The following SPIDR variants were observed in gnomAD, a reference collection of about 807,000 sequenced individuals.
SPIDR encodes the protein scaffold protein involved in DNA repair, also known as DNA repair-scaffolding protein.
SPIDR carries 93 observed loss-of-function variants against 104.6 expected under a neutral mutation model. The observed-to-expected ratio is 0.89, with a 90% CI of 0.75 to 1.06. The LOEUF (loss-of-function observed/expected upper bound fraction) is 1.06. SPIDR is among the 50% of genes least tolerant of loss of function. The pLI, the probability that SPIDR is intolerant of heterozygous loss-of-function variation, is 0.00. For missense variants in SPIDR, 1,154 were observed against 1,111.2 expected (o/e 1.04, Z -0.55); for synonymous variants, 431 against 416.9 (o/e 1.03, Z -0.41).
intron 9 of SPIDR, among the ~76,000 whole-genome samples, chr8:47,597,827 C>T (rs995257373): frequency 3.3e-5 from 5 of 152,170 alleles, no homozygotes; most frequent in Admixed American, 6.5e-5. Flanking sequence ...CATGAATGGC[C>T]CCTGGGACCA....
At chr8:47,261,145 G>C (rs779134383) in intron 1 of SPIDR, among the ~76,000 whole-genome samples, 154 bp downstream of exon 1, 1 of 152,126 alleles carries the variant, frequency 6.6e-6, no homozygotes, top group African/African-American at 2.4e-5. Context: ...TGCGCGCGTG[G>C]AGCAAGCCCG....
At chr8:47,375,928 C>T (rs1554642094) in intron 5 of SPIDR, among the ~76,000 whole-genome samples, 1 of 152,156 alleles carries the variant, frequency 6.6e-6, no homozygotes, top group Non-Finnish European at 1.5e-5. Context: ...TACCTGAATG[C>T]TTAAGATTAT....
chr8:47,735,172 T>C, intron 19 of SPIDR, 135 bp from the exon 20 acceptor site: 1 of 753,580 alleles, frequency 1.3e-6, no homozygotes, highest in South Asian at 1.6e-5. Flanking sequence ...CTACCACTGT[T>C]CTCAGCCATT....
At chr8:47,642,058 A>T (rs1220627460) in intron 10 of SPIDR, among the ~76,000 whole-genome samples, 1 of 152,090 alleles carries the variant, frequency 6.6e-6, no homozygotes, top group African/African-American at 2.4e-5. Flanking sequence ...AAGGATTTGC[A>T]TTGAAGGCCT....
chr8:47,360,389 G>A (rs1409476926), intron 5 of SPIDR, among the ~76,000 whole-genome samples: 1 of 151,816 alleles, frequency 6.6e-6, no homozygotes, highest in Non-Finnish European at 1.5e-5. Flanking sequence ...TAGCCAAACT[G>A]TATCATTCTT....
chr8:47,269,767 CTA>C (rs2034910489), intron 1 of SPIDR, among the ~76,000 whole-genome samples: 1 of 152,062 alleles, frequency 6.6e-6, no homozygotes, highest in Non-Finnish European at 1.5e-5. Flanking sequence ...CAGTATTTAA[CTA>C]TTCTGTATGA....
At chr8:47,267,255 C>T (rs554717591) in intron 1 of SPIDR, among the ~76,000 whole-genome samples, 8 of 152,108 alleles carry the variant, frequency 5.3e-5, no homozygotes, top group Admixed American at 5.2e-4. Flanking sequence ...CCTGGCTGGG[C>T]TCAAGAGATC....
intron 9 of SPIDR, 139 bp from the exon 10 acceptor site, chr8:47,598,807 A>G: frequency 8.9e-7 from 1 of 1,123,292 alleles, no homozygotes; most frequent in Non-Finnish European, 1.2e-6. Flanking sequence ...TTTCATCTTC[A>G]TCATCACTTC....
At chr8:47,276,267 T>C (rs1277506714) in intron 1 of SPIDR, among the ~76,000 whole-genome samples, 1 of 152,200 alleles carries the variant, frequency 6.6e-6, no homozygotes, top group Non-Finnish European at 1.5e-5. Context: ...GCTCTAGATA[T>C]ATTCTGTACT....
In SPIDR at chr8:47,638,688, C is replaced by G. The variant is rs566586081; in HGVS notation, c.1545-35113C>G. On this transcript the variant is annotated intron_variant, in intron 10 of 19. Coordinates refer to ENST00000297423, the MANE Select transcript of SPIDR (RefSeq NM_001080394.4). Reference sequence around the variant, plus strand: ...TTTTTCAGTATCACTGGTATCCTATCTCCATAGACAATACTTTTATCATTT... The same window carrying G: ...TTTTTCAGTATCACTGGTATCCTATGTCCATAGACAATACTTTTATCATTT... 7.9e-5 allele frequency among the ~76,000 whole-genome samples: 12 copies of G among 152,280 alleles called. No individual in the cohort carries two copies. The South Asian group carries it at 2.5e-3, about 32-fold the overall frequency.
At position 47,709,411 on chromosome 8, in the gene SPIDR, A is replaced by T. The variant is rs1171801746; in HGVS notation, c.1978-3251A>T. Among the ~76,000 whole-genome samples, 10 of 152,340 alleles carry T rather than the reference A, an allele frequency of 6.6e-5. 1 individual carries two copies. The South Asian group carries it at 1.2e-3, about 19-fold the overall frequency. On this transcript the variant is annotated intron_variant, in intron 14 of 19. Coordinates refer to ENST00000297423, the MANE Select transcript of SPIDR (RefSeq NM_001080394.4). ...CGCCTCTGCCTCCCAAAGTGCTGGG[A>T]TTACAGGCGTAAGCCACGGCGCCCA... is the stretch of plus-strand genomic sequence containing the variant.
At chr8:47,670,406 G>A (rs1486623891) in intron 10 of SPIDR, among the ~76,000 whole-genome samples, 1 of 152,026 alleles carries the variant, frequency 6.6e-6, no homozygotes, top group Admixed American at 6.6e-5. Flanking sequence ...GAGAAGAGAG[G>A]GAAACAAAAC....
At chr8:47,686,010 GGGAA>G (rs1169963941) in intron 11 of SPIDR, among the ~76,000 whole-genome samples, 1 of 152,124 alleles carries the variant, frequency 6.6e-6, no homozygotes, top group Non-Finnish European at 1.5e-5. Flanking sequence ...AAGGGAGGGA[GGGAA>G]GGAAGGAAGC....
At chr8:47,439,739 A>G (rs2069033568) in intron 7 of SPIDR, among the ~76,000 whole-genome samples, 1 of 152,192 alleles carries the variant, frequency 6.6e-6, no homozygotes, top group Non-Finnish European at 1.5e-5. Flanking sequence ...GTTGAATGCC[A>G]TGGAACTTGG....
chr8:47,602,107 A>C (rs1313384288), intron 10 of SPIDR, among the ~76,000 whole-genome samples: 1 of 152,352 alleles, frequency 6.6e-6, no homozygotes, highest in Non-Finnish European at 1.5e-5. Context: ...TTTTTTATAC[A>C]TGTACATGTA....
intron 10 of SPIDR, among the ~76,000 whole-genome samples, chr8:47,668,777 A>G (rs542864635): frequency 6.6e-6 from 1 of 152,372 alleles, no homozygotes; most frequent in East Asian, 1.9e-4. Context: ...ACAAAAGTTC[A>G]ATATACAAGG....
At chr8:47,314,878 T>A (rs1318740698) in intron 5 of SPIDR, among the ~76,000 whole-genome samples, 1 of 152,232 alleles carries the variant, frequency 6.6e-6, no homozygotes, top group South Asian at 2.1e-4. Flanking sequence ...CAAGACTTCC[T>A]GTATTCTGTC....
intron 8 of SPIDR, among the ~76,000 whole-genome samples, chr8:47,551,082 G>C (rs1295036620): frequency 6.6e-6 from 1 of 152,110 alleles, no homozygotes; most frequent in Non-Finnish European, 1.5e-5. Flanking sequence ...TTATTGATTT[G>C]CGTATGTTGA....
intron 7 of SPIDR, among the ~76,000 whole-genome samples, chr8:47,428,068 G>A (rs2066727858): frequency 6.6e-6 from 1 of 152,164 alleles, no homozygotes; most frequent in Non-Finnish European, 1.5e-5. Context: ...GATTACAGAC[G>A]TGCGCCACGA....
Sources: gnomAD v4.1 joint callset for allele counts (sites outside exome capture counted in the v4.1 genomes callset) on GRCh38, gnomAD v4.1.1 for gene constraint, MANE v1.5 for transcripts, NCBI Gene and HGNC (gene_info 2026-07-23, HGNC 2026-07-21) for gene names.